The following AP1G2 variants were observed in gnomAD, a reference collection of about 807,000 sequenced individuals.
The protein encoded by AP1G2 is adaptor related protein complex 1 subunit gamma 2.
A neutral mutation model predicts 95.8 loss-of-function variants in AP1G2; 85 were observed. The ratio of observed to expected loss-of-function variants is 0.89; its 90% CI spans 0.74 to 1.06. The LOEUF (loss-of-function observed/expected upper bound fraction) is 1.06. Among genes scored for constraint, AP1G2 ranks in the 50% least tolerant of loss-of-function variants. The probability of loss-of-function intolerance (pLI) is 0.00; values close to 1 mark genes in which losing one functional copy is unlikely to be tolerated. For synonymous variants in AP1G2, 378 were observed against 400.0 expected, an observed-to-expected ratio of 0.94 and a Z score of 0.66; for missense variants, 967 against 1,005.8, an observed-to-expected ratio of 0.96 and a Z score of 0.52.
intron 19 of AP1G2, chr14:23,560,637 G>A (rs1412716898): frequency 5.2e-6 from 2 of 388,142 alleles, no homozygotes; most frequent in Non-Finnish European, 9.1e-6. Context: ...CACTTTGGGA[G>A]GCTGAGGTGG....
Position 23,567,480 on chromosome 14 carries a change from G to C in AP1G2, c.-5-161C>G, listed in dbSNP as rs896506543. The stretch of plus-strand genomic sequence containing the variant: ...CCCGAAGTGGGTCTCCAAATTCCGC[G>C]CCCACCCCACCGCCCGAGAAGCCCA... On this transcript the variant is annotated intron_variant, in intron 1 of 21. Transcript: ENST00000397120. The surrounding 1 kb of genome is among the most constrained non-coding windows in gnomAD (Gnocchi z 5.3). 14 of 1,391,336 alleles carry C rather than the reference G, an allele frequency of 1.0e-5. No individual in the cohort carries two copies. The highest frequency in any genetic ancestry group is 1.0e-5 in the Non-Finnish European group (11 of 1,080,594). 86.2% of individuals were successfully genotyped at this position (1,391,336 alleles called of 1,614,324 possible).
chr14:23,566,031 T>G (rs1360488553), intron 5 of AP1G2, 33 bp downstream of exon 5: 1 of 1,614,092 alleles, frequency 6.2e-7, no homozygotes, highest in South Asian at 1.1e-5. Flanking sequence ...TCCATAGACC[T>G]GAAGCAAAGG....
At chr14:23,566,867 T>C in intron 2 of AP1G2, 181 bp from the exon 3 acceptor site, 1 of 986,644 alleles carries the variant, frequency 1.0e-6, no homozygotes, top group Non-Finnish European at 1.5e-6. Context: ...GAACTAGGAG[T>C]TGAGGAGGAT....
rs749167251 is a variant in AP1G2 at position 23,567,272 on chromosome 14, T to G, written c.43A>C (p.Ile15Leu). Reference protein sequence around the residue: ...SLKLQDLIEEIRGAKTQAQER... With the variant: ...SLKLQDLIEELRGAKTQAQER... ...TGGGCCTGAGTCTTGGCCCCGCGAA[T>G]CTCTTCGATGAGGTCCTGAAGCTTC... The change falls in exon 2 of 22, where the codon ATT (isoleucine) becomes CTT (leucine). Residue 15 changes from isoleucine (I) to leucine (L), a missense_variant. By Grantham distance (5) the Ile-to-Leu change is conservative. Transcript: ENST00000397120. The surrounding 1 kb of genome is among the most constrained non-coding windows in gnomAD (Gnocchi z 5.3). The G allele has an allele frequency of 4.3e-6, 7 of 1,613,198 alleles. No homozygotes were observed. Among genetic ancestry groups the G allele is most frequent in the African/African-American group, 1.3e-5 (1 of 74,966 alleles).
chr14:23,563,390 TC>T lies in AP1G2; in HGVS notation c.1399del (p.Asp467ThrfsTer66). On this transcript the variant is annotated frameshift_variant, in exon 14 of 22. Coordinates refer to ENST00000397120, the MANE Select transcript of AP1G2 (RefSeq NM_003917.5). LOFTEE classifies it high-confidence loss of function. Reference protein sequence around the residue: ...VRRLYNALAEDISQQPLVQVA... With the variant: ...VRRLYNALAEXISQQPLVQVA... ...AGGTGGGAATGGTACCTGGGAAATG[TC>T]TTCTGCCAGGGCATTGTAGAGGCGG... The T allele has an allele frequency of 6.3e-7, 1 of 1,594,904 alleles. No individual in the cohort carries two copies. The highest frequency in any genetic ancestry group is 8.5e-7 in the Non-Finnish European group (1 of 1,171,280).
rs377264042 is a variant in AP1G2, at chr14:23,567,167, G to T, written c.148C>A (p.Gln50Lys). 1.5e-5 allele frequency: 24 copies of T among 1,613,010 alleles called. No homozygotes were observed. Among genetic ancestry groups the T allele is most frequent in the Non-Finnish European group, 1.9e-5 (23 of 1,179,486 alleles). ...TGGACGTAGAGCAGTTTGGCCAGCT[G>T]CCGGTGCCTGTGCACTGGGTCCCCG... ...RDGDPVHRHR[Q>K]LAKLLYVHML... The change falls in exon 2 of 22, where the codon CAG becomes AAG. Residue 50 changes from glutamine (Q) to lysine (K), a missense_variant. Gln to Lys is a moderately conservative substitution (Grantham distance 53). Coordinates refer to ENST00000397120, the MANE Select transcript of AP1G2 (RefSeq NM_003917.5). This position sits in a 1 kb window ranked among gnomAD's most constrained non-coding sequence, Gnocchi z 5.3.
At chr14:23,564,412 C>A in intron 9 of AP1G2, 24 bp from the exon 10 acceptor site, 1 of 1,614,062 alleles carries the variant, frequency 6.2e-7, no homozygotes, top group Non-Finnish European at 8.5e-7. Context: ...AAGTTGGGGT[C>A]AGTCGGAAAG....
Position 23,559,792 on chromosome 14 carries a change from T to A in AP1G2, c.2315A>T (p.Glu772Val). 6.2e-7 allele frequency: 1 copy of A among 1,614,112 alleles called. No homozygotes were observed. The highest frequency in any genetic ancestry group is 8.5e-7 in the Non-Finnish European group (1 of 1,180,022). The change falls in exon 22 of 22, where the codon GAG becomes GTG. Residue 772 changes from glutamate (E) to valine (V), a missense_variant. Physicochemically the swap from Glu to Val is moderately radical, Grantham distance 121. Coordinates refer to ENST00000397120, the MANE Select transcript of AP1G2 (RefSeq NM_003917.5). ...AGGCAAGTTGTTCACCTCAAAGATC[T>A]CCTGCACCGACTGGTGAAAGTGGTC... Reference protein sequence around the residue: ...TYDHFHQSVQEIFEVNNLPVE... With the variant: ...TYDHFHQSVQVIFEVNNLPVE...
chr14:23,562,139 G>A (rs753559390), intron 16 of AP1G2, 73 bp from the exon 17 acceptor site: 21 of 1,596,120 alleles, frequency 1.3e-5, no homozygotes, highest in Middle Eastern at 2.0e-4. Flanking sequence ...AAAGGCCCAC[G>A]GAGCAGGGAA....
At position 23,567,451 on chromosome 14, in the gene AP1G2, C is replaced by T. The variant is rs527664291; in HGVS notation, c.-5-132G>A. The T allele has an allele frequency of 1.3e-5, 19 of 1,411,658 alleles. No individual in the cohort carries two copies. The African/African-American group carries it at 1.8e-4, about 13-fold the overall frequency. 87.4% of individuals were successfully genotyped at this position (1,411,658 alleles called of 1,614,324 possible). A position where few individuals can be genotyped will look rare whatever the true frequency, so the allele number is the denominator to read the frequency against. On this transcript the variant is annotated intron_variant, in intron 1 of 21. Transcript: ENST00000397120. This position sits in a 1 kb window ranked among gnomAD's most constrained non-coding sequence, Gnocchi z 5.3. ...CCCTAAAATTGCGCCCGCATTTTAC[C>T]TTTCCCGAAGTGGGTCTCCAAATTC... is the stretch of plus-strand genomic sequence containing the variant.
Position 23,561,655 on chromosome 14 carries a change from G to A in AP1G2, c.1734-20C>T. ...GCAGCCCTGAGAGGATGGAATGCAA[G>A]TGTGCCTCTGTGTGGTCTCTGGGCC... On this transcript the variant is annotated intron_variant, in intron 17 of 21. Transcript: ENST00000397120. 6 of 1,611,928 alleles carry A rather than the reference G, an allele frequency of 3.7e-6. No individual in the cohort carries two copies. Among genetic ancestry groups the A allele is most frequent in the Non-Finnish European group, 5.1e-6 (6 of 1,179,570 alleles).
At position 23,562,512 on chromosome 14, in the gene AP1G2, G is replaced by T; in HGVS notation, c.1492C>A (p.Pro498Thr). The T allele has an allele frequency of 3.1e-6, 5 of 1,614,204 alleles. No homozygotes were observed. Among genetic ancestry groups the T allele is most frequent in the Non-Finnish European group, 4.2e-6 (5 of 1,180,022 alleles). ...CCCCAATGAGGTCTCACCTGAAGGG[G>T]CTCAATCTCCTCGCAGTTCCCTGCC... Reference protein sequence around the residue: ...LLAGNCEEIEPLQVDEEEVLA... With the variant: ...LLAGNCEEIETLQVDEEEVLA... Residue 498 changes from proline to threonine, a missense_variant, in exon 15 of 22, where the codon CCC becomes ACC. Transcript: ENST00000397120.
intron 17 of AP1G2, 82 bp from the exon 18 acceptor site, chr14:23,561,717 T>C: frequency 6.4e-7 from 1 of 1,564,804 alleles, no homozygotes. Flanking sequence ...ACTAGGAATA[T>C]GGAGCCCTGG....
At chr14:23,566,743 T>A in intron 2 of AP1G2, 57 bp from the exon 3 acceptor site, 1 of 1,594,078 alleles carries the variant, frequency 6.3e-7, no homozygotes, top group Non-Finnish European at 8.6e-7. Flanking sequence ...GACACTCACA[T>A]CCCTGTTCCA....
chr14:23,565,378 G>A, intron 7 of AP1G2, 179 bp from the exon 8 acceptor site: 1 of 730,932 alleles, frequency 1.4e-6, no homozygotes. Flanking sequence ...GGCCAGGGGA[G>A]TTTAGGACAG....
rs560812399 is a variant in AP1G2, at chr14:23,567,028, A to G, written c.204+83T>C. The G allele has an allele frequency of 6.1e-5, 86 of 1,411,508 alleles. No homozygotes were observed. In the African/African-American group the frequency reaches 1.1e-3, roughly 18 times the overall value. The allele number at this position is 1,411,508 out of a possible 1,614,324, so 87.4% of individuals were successfully genotyped here. On this transcript the variant is annotated intron_variant, in intron 2 of 21. Coordinates refer to ENST00000397120, the MANE Select transcript of AP1G2 (RefSeq NM_003917.5). This position sits in a 1 kb window ranked among gnomAD's most constrained non-coding sequence, Gnocchi z 5.3. Reference sequence around the variant, plus strand: ...CTGAAATTGTAGAATTTAAAAAACCAGGGCATAAACAGGTGAGAGAGTCTG... The same window carrying G: ...CTGAAATTGTAGAATTTAAAAAACCGGGGCATAAACAGGTGAGAGAGTCTG...
Position 23,561,240 on chromosome 14 carries a change from G to A in AP1G2, c.1993+56C>T, listed in dbSNP as rs1013150882. 9.9e-6 allele frequency: 15 copies of A among 1,508,492 alleles called. No individual in the cohort carries two copies. The South Asian group carries it at 1.5e-4, about 15-fold the overall frequency. 93.4% of individuals were successfully genotyped at this position (1,508,492 alleles called of 1,614,324 possible). On this transcript the variant is annotated intron_variant, in intron 19 of 21. Transcript: ENST00000397120. Reference sequence around the variant, plus strand: ...GCCTCAGCCCTTGGCTTAGGAGGAGGAGCAGTACATTTCCACCTACCTTCT... The same window carrying A: ...GCCTCAGCCCTTGGCTTAGGAGGAGAAGCAGTACATTTCCACCTACCTTCT...
chr14:23,564,214 G>A (rs540956669), intron 10 of AP1G2, 55 bp from the exon 11 acceptor site: 71 of 1,611,510 alleles, frequency 4.4e-5, no homozygotes, highest in South Asian at 3.0e-4. Flanking sequence ...CCCACTCCCC[G>A]TCCTGTCCTG....
rs566425276 is a variant in AP1G2 at position 23,565,187 on chromosome 14, G to A, written c.754C>T (p.Arg252Cys). The A allele has an allele frequency of 8.7e-6, 14 of 1,614,164 alleles. No homozygotes were observed. The highest frequency in any genetic ancestry group is 3.3e-5 in the Admixed American group (2 of 60,032). ...SDPFLQVQILRLLRILGRNHE... is the reference protein window; with the variant it reads ...SDPFLQVQILCLLRILGRNHE... ...TTCCGGCCCAGGATCCGAAGCAGAC[G>A]AAGTATCTGGACCTGAGGTTGGGTT... The change falls in exon 8 of 22, where the codon CGT (arginine) becomes TGT (cysteine). Residue 252 changes from arginine (R) to cysteine (C), a missense_variant. By Grantham distance (180) the Arg-to-Cys change is radical. Coordinates refer to ENST00000397120, the MANE Select transcript of AP1G2 (RefSeq NM_003917.5).
Sources: gnomAD v4.1 joint callset for allele counts on GRCh38, gnomAD v4.1.1 for gene constraint, Gnocchi (gnomAD v3.1) non-coding constraint, MANE v1.5 for transcripts, NCBI Gene and HGNC (gene_info 2026-07-23, HGNC 2026-07-21) for gene names.